MICAL3: variants seen among roughly 807,000 people sequenced by gnomAD.
MICAL3 encodes the protein microtubule associated monooxygenase, calponin and LIM domain containing 3.
In MICAL3, 62 loss-of-function variants were observed where a neutral mutation model predicts 207.4. That is an observed-to-expected ratio of 0.30 (90% CI 0.24 to 0.37). The LOEUF (loss-of-function observed/expected upper bound fraction) is 0.37, where lower values mean the gene tolerates loss of function less well. MICAL3 is among the 10% of genes least tolerant of loss of function. The pLI is 1.00. For synonymous variants in MICAL3, 1,077 were observed against 1,069.3 expected, an observed-to-expected ratio of 1.01 and a Z score of -0.14; for missense variants, 2,368 against 2,635.6, an observed-to-expected ratio of 0.90 and a Z score of 2.22.
rs563786621 is a variant in MICAL3 at position 17,883,448 on chromosome 22, G to A, written c.2241+2430C>T. ...AATAAACTCACTTTACAGCACAGGA[G>A]GCTGGGGAGACCGACTACGGAAGGC... On this transcript the variant is annotated intron_variant, in intron 16 of 31. Coordinates refer to ENST00000441493, the MANE Select transcript of MICAL3 (RefSeq NM_015241.3). Among the ~76,000 whole-genome samples the A allele has an allele frequency of 8.5e-5, 13 of 152,322 alleles. No individual in the cohort carries two copies. In the East Asian group the frequency reaches 2.3e-3, roughly 27 times the overall value.
chr22:17,968,816 G>GA, intron 1 of MICAL3, among the ~76,000 whole-genome samples: 1 of 152,152 alleles, frequency 6.6e-6, no homozygotes, highest in African/African-American at 2.4e-5. Flanking sequence ...TTAGCATGGG[G>GA]CGACAAACTT....
At chr22:17,881,984 C>A (rs2146210025) in intron 16 of MICAL3, among the ~76,000 whole-genome samples, 1 of 146,088 alleles carries the variant, frequency 6.8e-6, no homozygotes, top group East Asian at 2.0e-4. Flanking sequence ...CATTCCCAGG[C>A]CTCTCTGATA....
chr22:17,896,444 G>T, intron 8 of MICAL3, 83 bp from the exon 9 acceptor site: 1 of 905,856 alleles, frequency 1.1e-6, no homozygotes, highest in Non-Finnish European at 1.8e-6. Flanking sequence ...CAAAGAGTTT[G>T]CTGTCGACAG....
At chr22:17,791,179 G>A (rs757307606) in intron 30 of MICAL3, 23 bp downstream of exon 30, 7 of 1,611,274 alleles carry the variant, frequency 4.3e-6, no homozygotes, top group African/African-American at 1.3e-5. Context: ...TAGCGCTGAC[G>A]CCCCCTACCC....
intron 19 of MICAL3, chr22:17,864,641 C>G (rs1370555673): frequency 3.2e-6 from 5 of 1,586,472 alleles, no homozygotes; most frequent in East Asian, 2.3e-5. Flanking sequence ...CTGCCGCCCA[C>G]CGGACGGCCC....
intron 1 of MICAL3, among the ~76,000 whole-genome samples, chr22:17,935,399 C>T (rs9680696): frequency 0.19 from 28,715 of 152,152 alleles, 2,867 homozygotes; most frequent in Middle Eastern, 0.26. Context: ...AAACTAGATC[C>T]CTTCCTTACA....
chr22:17,821,684 C>T (rs1399541940), intron 24 of MICAL3, among the ~76,000 whole-genome samples, 175 bp from the exon 25 acceptor site: 1 of 152,234 alleles, frequency 6.6e-6, no homozygotes, highest in Non-Finnish European at 1.5e-5. Context: ...CTGGAACCGT[C>T]TTCCCGGGGC....
chr22:17,860,677 C>T lies in MICAL3; in HGVS notation c.2605+4222G>A, dbSNP rs574375220. The T allele has an allele frequency of 3.0e-4, 298 of 985,298 alleles. 1 individual carries two copies. Among genetic ancestry groups the T allele is most frequent in the Non-Finnish European group, 3.4e-4 (282 of 829,938 alleles). The allele number at this position is 985,298 out of a possible 1,614,324, so 61.0% of individuals were successfully genotyped here. On this transcript the variant is annotated intron_variant, in intron 19 of 31. Coordinates refer to ENST00000441493, the MANE Select transcript of MICAL3 (RefSeq NM_015241.3). ...ACAGGAGACATGTGAGGCGGGTGCC[C>T]GGCTCTCCGTGGTGTCCTGGCAGCA...
In MICAL3 at chr22:17,842,236, G is replaced by T. The variant is rs530855636; in HGVS notation, c.2606-219C>A. ...GAAGGTGGCCCTGTCTGCCCTCCAGGTCAGAGCGTTCTCTCTCCTTCATCA... is the reference window on the plus strand; with the variant it reads ...GAAGGTGGCCCTGTCTGCCCTCCAGTTCAGAGCGTTCTCTCTCCTTCATCA... On this transcript the variant is annotated intron_variant, in intron 19 of 31. Transcript: ENST00000441493. 6.3e-5 allele frequency: 37 copies of T among 587,528 alleles called. No individual in the cohort carries two copies. The South Asian group carries it at 7.1e-4, about 11-fold the overall frequency. The allele number at this position is 587,528 out of a possible 1,614,324, so 36.4% of individuals were successfully genotyped here. A position where few individuals can be genotyped will look rare whatever the true frequency, so the allele number is the denominator to read the frequency against.
intron 27 of MICAL3, 163 bp from the exon 28 acceptor site, chr22:17,810,976 C>T (rs541406134): frequency 1.8e-4 from 106 of 592,000 alleles, no homozygotes; most frequent in African/African-American, 1.6e-3. Flanking sequence ...GCTAGCAGGA[C>T]GGGGGTGCTG....
chr22:17,945,181 C>T (rs1321355107), intron 1 of MICAL3, among the ~76,000 whole-genome samples: 1 of 152,148 alleles, frequency 6.6e-6, no homozygotes, highest in African/African-American at 2.4e-5. Flanking sequence ...CTCTCACACA[C>T]CATTTCAGCC....
At chr22:17,896,470 G>C in intron 8 of MICAL3, 109 bp from the exon 9 acceptor site, 3 of 787,504 alleles carry the variant, frequency 3.8e-6, no homozygotes, top group Non-Finnish European at 6.3e-6. Context: ...TTTGGCAACT[G>C]TTTCAATAAC....
chr22:17,932,884 A>G (rs557734698), intron 1 of MICAL3, among the ~76,000 whole-genome samples: 2 of 152,248 alleles, frequency 1.3e-5, no homozygotes, highest in Admixed American at 6.5e-5. Context: ...AGGCCATTAC[A>G]TAATGGTAAA....
intron 19 of MICAL3, chr22:17,862,498 G>A: frequency 1.3e-6 from 1 of 750,534 alleles, no homozygotes; most frequent in Non-Finnish European, 1.6e-6. Flanking sequence ...CTGACCTCGT[G>A]ATCTGCCCGC....
rs748380111 is a variant in MICAL3, at chr22:17,816,753, G to A, written c.5382C>T (p.Ser1794=). 1.0e-5 allele frequency: 16 copies of A among 1,551,574 alleles called. No individual in the cohort carries two copies. The highest frequency in any genetic ancestry group is 1.7e-4 in the Middle Eastern group (1 of 5,988). The change falls in exon 27 of 32, where the codon TCC becomes TCT. Residue 1794 remains serine, a synonymous_variant. Transcript: ENST00000441493. ...ELQLRRQLSF[S]EDSDLSSDDV... ...CGTCGCTGGAGAGGTCTGAGTCCTC[G>A]GAGAAGCTCAGCTGGCGCCGGAGCT...
intron 1 of MICAL3, among the ~76,000 whole-genome samples, chr22:18,000,367 G>C (rs930680441): frequency 6.6e-6 from 1 of 152,234 alleles, no homozygotes; most frequent in Non-Finnish European, 1.5e-5. Flanking sequence ...ACACAAATGT[G>C]GTTTGAACTC....
intron 19 of MICAL3, among the ~76,000 whole-genome samples, chr22:17,854,767 C>T (rs1925723548): frequency 6.6e-6 from 1 of 152,216 alleles, no homozygotes; most frequent in Non-Finnish European, 1.5e-5. Flanking sequence ...TTGTCATGTG[C>T]ATGAGGCCGC....
chr22:17,818,723 G>A lies in MICAL3; in HGVS notation c.3938C>T (p.Ala1313Val), dbSNP rs1921239841. Residue 1313 changes from alanine (A) to valine (V), a missense_variant, in exon 26 of 32, where the codon GCT becomes GTT. Physicochemically the swap from Ala to Val is moderately conservative, Grantham distance 64. Transcript: ENST00000441493. ...GCTCCGTCTGAGGGCCTCATCCACAGCAAGGGGGCTGCCCAGTCTGTCCTT... is the reference window on the plus strand; with the variant it reads ...GCTCCGTCTGAGGGCCTCATCCACAACAAGGGGGCTGCCCAGTCTGTCCTT... ...DTKDRLGSPL[A>V]VDEALRRSDL... 3 of 1,611,920 alleles carry A rather than the reference G, an allele frequency of 1.9e-6. No individual in the cohort carries two copies. In the South Asian group the frequency reaches 3.3e-5, roughly 18 times the overall value.
chr22:17,948,927 T>C (rs944970340), intron 1 of MICAL3, among the ~76,000 whole-genome samples: 1 of 61,464 alleles, frequency 1.6e-5, no homozygotes, highest in African/African-American at 7.4e-5. Context: ...AAAAAAAAAA[T>C]TGGCCAGCAC....
Sources: gnomAD v4.1 joint callset for allele counts (sites outside exome capture counted in the v4.1 genomes callset) on GRCh38, gnomAD v4.1.1 for gene constraint, MANE v1.5 for transcripts, NCBI Gene and HGNC (gene_info 2026-07-23, HGNC 2026-07-21) for gene names.